Variants in JARID2 observed in about 807,000 individuals in gnomAD.
JARID2 encodes jumonji and AT-rich interaction domain containing 2.
In JARID2, 21 loss-of-function variants were observed where a neutral mutation model predicts 125.6. That is an observed-to-expected ratio of 0.17 (90% CI 0.12 to 0.24). JARID2 has a LOEUF of 0.24. Ranked by LOEUF, JARID2 falls within the 10% of genes least tolerant of loss-of-function variation. JARID2 has a pLI of 1.00. For synonymous variants in JARID2, 736 were observed against 661.6 expected (o/e 1.11, Z -1.73); for missense variants, 1,303 against 1,639.6 (o/e 0.79, Z 3.55).
chr6:15,435,594 A>C (rs1201218750), intron 3 of JARID2, among the ~76,000 whole-genome samples: 1 of 152,134 alleles, frequency 6.6e-6, no homozygotes, highest in East Asian at 1.9e-4. Flanking sequence ...TGTTCTTAGA[A>C]TTTCCATCAG....
intron 4 of JARID2, among the ~76,000 whole-genome samples, chr6:15,454,666 A>T (rs1163613895): frequency 6.8e-5 from 10 of 147,466 alleles, no homozygotes; most frequent in African/African-American, 2.3e-4. Flanking sequence ...TTTTTGGTAG[A>T]GAAGGAGTCT....
chr6:15,368,868 AGAGCTTC>A, intron 1 of JARID2: 1 of 364,130 alleles, frequency 2.7e-6, no homozygotes, highest in African/African-American at 2.1e-5. Context: ...TTTGCAGAGC[AGAGCTTC>A]TGAAACTTGA....
intron 1 of JARID2, among the ~76,000 whole-genome samples, chr6:15,372,451 C>A (rs1019748681): frequency 2.6e-5 from 4 of 152,068 alleles, no homozygotes; most frequent in Non-Finnish European, 5.9e-5. Flanking sequence ...CTCCGCCTCC[C>A]CAGGTTCAAG....
At position 15,520,696 on chromosome 6, in the gene JARID2, C is replaced by CAT; in HGVS notation, c.*446_*447insTA. 2 of 452,562 alleles carry CAT rather than the reference C, an allele frequency of 4.4e-6. No homozygotes were observed. The highest frequency in any genetic ancestry group is 8.9e-6 in the Non-Finnish European group (2 of 224,432). 28.0% of individuals were successfully genotyped at this position (452,562 alleles called of 1,614,324 possible). A position where few individuals can be genotyped will look rare whatever the true frequency, so the allele number is the denominator to read the frequency against. On this transcript the variant is annotated 3_prime_UTR_variant, in exon 18 of 18. Coordinates refer to ENST00000341776, the MANE Select transcript of JARID2 (RefSeq NM_004973.4). ...GGGATAGGAGACACACGCGCACACA[C>CAT]ACACACACACGAAACTTGAAATGGC...
At chr6:15,318,610 C>T (rs1444184576) in intron 1 of JARID2, among the ~76,000 whole-genome samples, 1 of 152,154 alleles carries the variant, frequency 6.6e-6, no homozygotes, top group Non-Finnish European at 1.5e-5. Flanking sequence ...ACTGGAGGCA[C>T]CCCCCTCCCC....
In JARID2 at chr6:15,520,686, C is replaced by CGT. The variant is rs1554149628; in HGVS notation, c.*436_*437insTG. 3 of 420,288 alleles carry CGT rather than the reference C, an allele frequency of 7.1e-6. No homozygotes were observed. Among genetic ancestry groups the CGT allele is most frequent in the Non-Finnish European group, 9.7e-6 (2 of 206,670 alleles). The allele number at this position is 420,288 out of a possible 1,614,324, so 26.0% of individuals were successfully genotyped here. On this transcript the variant is annotated 3_prime_UTR_variant, in exon 18 of 18. Coordinates refer to ENST00000341776, the MANE Select transcript of JARID2 (RefSeq NM_004973.4). ...TTTTTTAGAAGGGATAGGAGACACA[C>CGT]GCGCACACACACACACACACGAAAC...
At chr6:15,412,131 A>C (rs1765904818) in intron 3 of JARID2, among the ~76,000 whole-genome samples, 1 of 152,230 alleles carries the variant, frequency 6.6e-6, no homozygotes, top group South Asian at 2.1e-4. Flanking sequence ...CAAGTATCTT[A>C]CTGAATTAAG....
chr6:15,379,476 T>C (rs2127524696), intron 2 of JARID2, among the ~76,000 whole-genome samples: 1 of 152,340 alleles, frequency 6.6e-6, no homozygotes, highest in South Asian at 2.1e-4. Flanking sequence ...AATAACATGC[T>C]ACACAAATAA....
At chr6:15,246,659 T>G in intron 1 of JARID2, 75 bp downstream of exon 1, 1 of 1,304,062 alleles carries the variant, frequency 7.7e-7, no homozygotes, top group Non-Finnish European at 1.1e-6. Flanking sequence ...TTATAGATAA[T>G]TCTGCCTCTG....
chr6:15,406,442 G>A (rs573139724), intron 2 of JARID2, among the ~76,000 whole-genome samples: 1 of 152,278 alleles, frequency 6.6e-6, no homozygotes, highest in African/African-American at 2.4e-5. Context: ...CAAGGTCGGG[G>A]GAGAGGGGAG....
chr6:15,400,887 C>G, intron 2 of JARID2: 1 of 1,288,320 alleles, frequency 7.8e-7, no homozygotes, highest in South Asian at 1.2e-5. Context: ...TCACTGCGCT[C>G]TTCCTCCCTC....
At position 15,321,836 on chromosome 6, in the gene JARID2, A is replaced by G. The variant is rs554594547; in HGVS notation, c.46-52281A>G. On this transcript the variant is annotated intron_variant, in intron 1 of 17. Transcript: ENST00000341776. Reference sequence around the variant, plus strand: ...GAGATGGAGTCTCACTTTGTCGCCCAGGTTGGAGTGCAGCGGTGTGATCTC... The same window carrying G: ...GAGATGGAGTCTCACTTTGTCGCCCGGGTTGGAGTGCAGCGGTGTGATCTC... 1.0e-4 allele frequency among the ~76,000 whole-genome samples: 11 copies of G among 110,134 alleles called. No individual in the cohort carries two copies. In the South Asian group the frequency reaches 3.5e-3, roughly 35 times the overall value. 72.3% of individuals were successfully genotyped at this position (110,134 alleles called of 152,430 possible).
At chr6:15,327,559 GTGTGCGTGTGCA>G (rs1762574792) in intron 1 of JARID2, among the ~76,000 whole-genome samples, 3 of 152,062 alleles carry the variant, frequency 2.0e-5, no homozygotes, top group African/African-American at 7.2e-5. Context: ...GTGCGCGTGT[GTGTGCGTGTGCA>G]TGTGCGTGCA....
At chr6:15,272,194 G>A (rs1213928441) in intron 1 of JARID2, among the ~76,000 whole-genome samples, 1 of 152,240 alleles carries the variant, frequency 6.6e-6, no homozygotes, top group Non-Finnish European at 1.5e-5. Flanking sequence ...CTTGAGCATT[G>A]CTTGAAAATG....
intron 7 of JARID2, among the ~76,000 whole-genome samples, chr6:15,499,631 G>A (rs1394784402): frequency 2.6e-5 from 4 of 152,158 alleles, no homozygotes; most frequent in Non-Finnish European, 4.4e-5. Flanking sequence ...GTCAGCCAGA[G>A]CCACCGTGAG....
At chr6:15,282,855 C>A (rs1760810187) in intron 1 of JARID2, among the ~76,000 whole-genome samples, 2 of 152,382 alleles carry the variant, frequency 1.3e-5, no homozygotes, top group African/African-American at 4.8e-5. Context: ...TCCACCTCGG[C>A]CTCCCAAAGT....
intron 1 of JARID2, among the ~76,000 whole-genome samples, chr6:15,274,119 G>A (rs1332263853): frequency 2.0e-5 from 3 of 152,002 alleles, no homozygotes; most frequent in African/African-American, 4.8e-5. Flanking sequence ...TAGTACAGAC[G>A]GGGTTTCACC....
chr6:15,452,065 C>G lies in JARID2; in HGVS notation c.383C>G (p.Thr128Ser), dbSNP rs769805788. 5.0e-6 allele frequency: 8 copies of G among 1,614,138 alleles called. No individual in the cohort carries two copies. Among genetic ancestry groups the G allele is most frequent in the Non-Finnish European group, 6.8e-6 (8 of 1,180,024 alleles). ...TCTCAGCCGAATAGTCCCAGCACAA[C>G]TCCAGTAAAGATAGTGGAGCCATTG... ...AQSQPNSPST[T>S]PVKIVEPLLP... Residue 128 changes from threonine to serine, a missense_variant, in exon 4 of 18, where the codon ACT (threonine) becomes AGT (serine). This residue lies in a region of JARID2 where 42 missense variants were observed against 35.7 expected (regional missense o/e 1.18). Coordinates refer to ENST00000341776, the MANE Select transcript of JARID2 (RefSeq NM_004973.4).
chr6:15,445,854 G>T (rs1266250580), intron 3 of JARID2, among the ~76,000 whole-genome samples: 2 of 152,294 alleles, frequency 1.3e-5, no homozygotes, highest in East Asian at 3.9e-4. Flanking sequence ...CATGTAGGCT[G>T]GTGCCTAGTT....
Sources: gnomAD v4.1 joint callset for allele counts (sites outside exome capture counted in the v4.1 genomes callset) on GRCh38, gnomAD v4.1.1 for gene constraint, gnomAD v4.1.1 regional missense constraint, MANE v1.5 for transcripts, NCBI Gene and HGNC (gene_info 2026-07-23, HGNC 2026-07-21) for gene names.